The following NARS2 variants were observed in gnomAD, a reference collection of about 807,000 sequenced individuals.
NARS2 encodes the protein asparaginyl-tRNA synthetase 2, mitochondrial, also known as asparaginyl-tRNA synthetase.
A neutral mutation model predicts 62.9 loss-of-function variants in NARS2; 60 were observed. The ratio of observed to expected loss-of-function variants is 0.95; its 90% CI spans 0.77 to 1.18. NARS2 has a LOEUF of 1.18. NARS2 is among the 50% of genes most tolerant of loss of function. The pLI is 0.00. For missense variants in NARS2, 619 were observed against 576.4 expected, an observed-to-expected ratio of 1.07 and a Z score of -0.76; for synonymous variants, 196 against 200.0, an observed-to-expected ratio of 0.98 and a Z score of 0.17.
chr11:78,549,702 A>T (rs1347909054), intron 5 of NARS2, among the ~76,000 whole-genome samples: 1 of 152,198 alleles, frequency 6.6e-6, no homozygotes, highest in African/African-American at 2.4e-5. Context: ...TAGCACAATC[A>T]GTCTGCAAGT....
chr11:78,490,678 A>G (rs1859781938), intron 7 of NARS2, among the ~76,000 whole-genome samples: 1 of 152,012 alleles, frequency 6.6e-6, no homozygotes, highest in African/African-American at 2.4e-5. Context: ...GTGTGCCTAC[A>G]GACCCAGTTA....
chr11:78,474,890 T>C (rs551176089), intron 9 of NARS2, among the ~76,000 whole-genome samples: 1 of 152,194 alleles, frequency 6.6e-6, no homozygotes, highest in Admixed American at 6.5e-5. Context: ...AATTAACATA[T>C]CTATCGTCTC....
chr11:78,496,035 A>G (rs1172628964), intron 6 of NARS2, among the ~76,000 whole-genome samples: 1 of 152,144 alleles, frequency 6.6e-6, no homozygotes, highest in Non-Finnish European at 1.5e-5. Context: ...TTTTATTTCA[A>G]TTATAGTAAG....
chr11:78,540,644 G>C (rs1359160374), intron 5 of NARS2, among the ~76,000 whole-genome samples: 1 of 152,168 alleles, frequency 6.6e-6, no homozygotes, highest in Non-Finnish European at 1.5e-5. Context: ...TAAAGATGAA[G>C]CATGGTTCAG....
intron 11 of NARS2, among the ~76,000 whole-genome samples, chr11:78,461,602 T>TAAAAAAAAAAAA (rs59664343): frequency 6.2e-5 from 4 of 64,078 alleles, no homozygotes; most frequent in African/African-American, 2.4e-4. Flanking sequence ...GCTGTGCTGG[T>TAAAAAAAAAAAA]AAAAAAAAAA....
rs191334870 is a variant in NARS2 at position 78,566,410 on chromosome 11, T to C, written c.373-138A>G. On this transcript the variant is annotated intron_variant, in intron 3 of 13. Transcript: ENST00000281038. ...TTCTTTATTTCTTAATATAACTGATTTTAATCCACATTATTTCCACCAGGT... is the reference window on the plus strand; with the variant it reads ...TTCTTTATTTCTTAATATAACTGATCTTAATCCACATTATTTCCACCAGGT... 4.0e-5 allele frequency: 26 copies of C among 656,158 alleles called. No homozygotes were observed. The East Asian group carries it at 5.2e-4, about 13-fold the overall frequency. The allele number at this position is 656,158 out of a possible 1,614,324, so 40.6% of individuals were successfully genotyped here.
rs367584549 is a variant in NARS2 at position 78,571,435 on chromosome 11, G to A, written c.151C>T (p.Arg51Cys). ...GERIKIQGWI[R>C]SVRSQKEVLF... ...ACTTCCTTCTGGGATCGGACAGAAC[G>A]AATCCATCCCTAAGGAAGAGAAATA... Residue 51 changes from arginine to cysteine, a missense_variant, in exon 2 of 14, where the codon CGT (arginine) becomes TGT (cysteine). Coordinates refer to ENST00000281038, the MANE Select transcript of NARS2 (RefSeq NM_024678.6). 6.7e-5 allele frequency: 108 copies of A among 1,609,558 alleles called. No homozygotes were observed. Among genetic ancestry groups the A allele is most frequent in the Admixed American group, 8.4e-5 (5 of 59,768 alleles).
intron 9 of NARS2, among the ~76,000 whole-genome samples, chr11:78,477,210 T>C (rs1859137275): frequency 6.6e-6 from 1 of 152,210 alleles, no homozygotes; most frequent in Non-Finnish European, 1.5e-5. Flanking sequence ...ATCTACTTAA[T>C]GACCACTTTT....
chr11:78,522,256 T>C (rs1861157980), intron 6 of NARS2, among the ~76,000 whole-genome samples: 1 of 151,990 alleles, frequency 6.6e-6, no homozygotes, highest in Non-Finnish European at 1.5e-5. Context: ...CTGTGCCTGG[T>C]TGACAATCTA....
intron 11 of NARS2, among the ~76,000 whole-genome samples, chr11:78,464,517 A>T (rs1033062063): frequency 6.6e-6 from 1 of 152,002 alleles, no homozygotes; most frequent in Non-Finnish European, 1.5e-5. Context: ...CCACGTCCCC[A>T]CCAGATTAGC....
intron 11 of NARS2, among the ~76,000 whole-genome samples, chr11:78,449,548 C>T (rs934058379): frequency 5.3e-5 from 8 of 152,066 alleles, no homozygotes; most frequent in African/African-American, 1.9e-4. Context: ...TGGTTATACA[C>T]AACTATTGCT....
Position 78,458,650 on chromosome 11 carries a change from T to C in NARS2, c.1164+7226A>G, listed in dbSNP as rs192801756. ...CTCGTCGACAGTGTGTCTTAAACTT[T>C]GTTGGATTTGATTCATTAATCCATT... On this transcript the variant is annotated intron_variant, in intron 11 of 13. Transcript: ENST00000281038. 2.7e-4 allele frequency among the ~76,000 whole-genome samples: 41 copies of C among 152,374 alleles called. No homozygotes were observed. The East Asian group carries it at 7.1e-3, about 26-fold the overall frequency.
intron 6 of NARS2, among the ~76,000 whole-genome samples, chr11:78,514,164 C>T (rs1860820768): frequency 6.6e-6 from 1 of 152,116 alleles, no homozygotes; most frequent in Non-Finnish European, 1.5e-5. Context: ...ACTCTGTCAC[C>T]CAGGCTGGAG....
chr11:78,554,077 T>C (rs1172841050), intron 5 of NARS2, among the ~76,000 whole-genome samples: 1 of 152,110 alleles, frequency 6.6e-6, no homozygotes, highest in Non-Finnish European at 1.5e-5. Context: ...TCTGGACTCT[T>C]TATTTTGTTC....
intron 5 of NARS2, chr11:78,558,220 A>C (rs1005857783): frequency 6.6e-6 from 1 of 152,094 alleles, no homozygotes; most frequent in Non-Finnish European, 1.5e-5. Flanking sequence ...TAATACCCCC[A>C]CTCTAAATGT....
chr11:78,514,112 A>T (rs7119601), intron 6 of NARS2, among the ~76,000 whole-genome samples: 10,376 of 151,956 alleles, frequency 0.068, 1,134 homozygotes, highest in African/African-American at 0.23. Context: ...CCTACCAATT[A>T]CCCAGTCTCA....
intron 11 of NARS2, among the ~76,000 whole-genome samples, chr11:78,448,558 G>A (rs897830727): frequency 6.6e-5 from 10 of 152,046 alleles, no homozygotes; most frequent in East Asian, 5.8e-4. Flanking sequence ...TGATCCACCC[G>A]CCTCATCCTC....
intron 1 of NARS2, 53 bp from the exon 2 acceptor site, chr11:78,571,497 T>A: frequency 1.7e-6 from 2 of 1,206,634 alleles, no homozygotes; most frequent in Non-Finnish European, 2.4e-6. Flanking sequence ...ACGTTTTCAT[T>A]ACACATACAC....
intron 5 of NARS2, among the ~76,000 whole-genome samples, chr11:78,545,319 T>C (rs1328857494): frequency 3.3e-5 from 5 of 152,128 alleles, no homozygotes; most frequent in Non-Finnish European, 4.4e-5. Context: ...AATTTGCACC[T>C]ACTCCCAACC....
Sources: gnomAD v4.1 joint callset for allele counts (sites outside exome capture counted in the v4.1 genomes callset) on GRCh38, gnomAD v4.1.1 for gene constraint, MANE v1.5 for transcripts, NCBI Gene and HGNC (gene_info 2026-07-23, HGNC 2026-07-21) for gene names.